NMNAT2: variants seen among roughly 807,000 people sequenced by gnomAD.
NMNAT2 encodes nicotinamide nucleotide adenylyltransferase 2, also known as nicotinamide/nicotinic acid mononucleotide adenylyltransferase 2.
NMNAT2 carries 11 observed loss-of-function variants against 41.6 expected under a neutral mutation model. The observed-to-expected ratio is 0.26, with a 90% confidence interval of 0.17 to 0.44. NMNAT2 has a LOEUF of 0.44. Ranked by LOEUF, NMNAT2 falls within the 20% of genes least tolerant of loss-of-function variation. The pLI is 1.00. For missense variants in NMNAT2, 288 were observed against 407.7 expected, an observed-to-expected ratio of 0.71 and a Z score of 2.53; for synonymous variants, 148 against 151.2, an observed-to-expected ratio of 0.98 and a Z score of 0.16.
rs188368304 is a variant in NMNAT2, at chr1:183,268,791, C to T, written c.652-7488G>A. Reference sequence around the variant, plus strand: ...GTGTGATGTCTCACACCTGTAATCCCAGCACTTTAAGAGGCCAAGGTGGGA... The same window carrying T: ...GTGTGATGTCTCACACCTGTAATCCTAGCACTTTAAGAGGCCAAGGTGGGA... On this transcript the variant is annotated intron_variant, in intron 8 of 10. Coordinates refer to ENST00000287713, the MANE Select transcript of NMNAT2 (RefSeq NM_015039.4). Among the ~76,000 whole-genome samples, 126 of 152,318 alleles carry T rather than the reference C, an allele frequency of 8.3e-4. 1 individual carries two copies. Among genetic ancestry groups the T allele is most frequent in the African/African-American group, 2.8e-3 (118 of 41,566 alleles).
chr1:183,270,487 G>A (rs1660956064), intron 8 of NMNAT2, among the ~76,000 whole-genome samples: 1 of 151,690 alleles, frequency 6.6e-6, no homozygotes, highest in Admixed American at 6.6e-5. Context: ...AGTAAGGTCA[G>A]AGTCCAGCAG....
intron 4 of NMNAT2, among the ~76,000 whole-genome samples, chr1:183,288,470 G>T (rs568576341): frequency 6.6e-6 from 1 of 152,206 alleles, no homozygotes; most frequent in Non-Finnish European, 1.5e-5. Flanking sequence ...TCTGCCCATC[G>T]CTGCAACAGC....
chr1:183,332,810 A>T (rs1441072485), intron 1 of NMNAT2, among the ~76,000 whole-genome samples: 1 of 152,198 alleles, frequency 6.6e-6, no homozygotes, highest in Non-Finnish European at 1.5e-5. Context: ...TACCAGGGGA[A>T]ATTCTCAGCC....
chr1:183,319,234 C>T (rs1662312661), intron 1 of NMNAT2, among the ~76,000 whole-genome samples: 1 of 152,194 alleles, frequency 6.6e-6, no homozygotes, highest in Non-Finnish European at 1.5e-5. Context: ...CAACATCGAG[C>T]ACCTACTGTG....
At chr1:183,341,748 C>CAAAAAAAAACAAAAAAAAA (rs369432128) in intron 1 of NMNAT2, among the ~76,000 whole-genome samples, 13 of 79,842 alleles carry the variant, frequency 1.6e-4, no homozygotes, top group African/African-American at 5.7e-4. Flanking sequence ...AAAAAAAAAA[C>CAAAAAAAAACAAAAAAAAA]CTGTTTCCTT....
At chr1:183,261,920 GA>G (rs778334155) in intron 8 of NMNAT2, among the ~76,000 whole-genome samples, 13 of 15,644 alleles carry the variant, frequency 8.3e-4, no homozygotes, top group East Asian at 5.1e-3. Flanking sequence ...TGTGAGAAAT[GA>G]AATTTTTTTT....
intron 8 of NMNAT2, among the ~76,000 whole-genome samples, chr1:183,264,698 G>A (rs931744769): frequency 1.3e-5 from 2 of 151,800 alleles, no homozygotes; most frequent in African/African-American, 4.8e-5. Context: ...GTGTGTGTGG[G>A]TTCGGGAAGG....
chr1:183,376,317 T>G (rs2811562), intron 1 of NMNAT2, among the ~76,000 whole-genome samples: 108,815 of 151,970 alleles, frequency 0.72, 39,091 homozygotes, highest in East Asian at 0.91. Flanking sequence ...TTTCCAGGAG[T>G]TTACAACAAA....
At chr1:183,409,088 C>G (rs1037662023) in intron 1 of NMNAT2, among the ~76,000 whole-genome samples, 1 of 151,964 alleles carries the variant, frequency 6.6e-6, no homozygotes, top group Non-Finnish European at 1.5e-5. Flanking sequence ...GGCACGGTGG[C>G]TCACACTTGT....
chr1:183,296,535 T>TTTTAC (rs1557870232), intron 1 of NMNAT2, among the ~76,000 whole-genome samples: 2 of 150,882 alleles, frequency 1.3e-5, no homozygotes, highest in Non-Finnish European at 1.5e-5. Context: ...TTTTTTTTGA[T>TTTTAC]GGAGTCTAGC....
intron 1 of NMNAT2, among the ~76,000 whole-genome samples, chr1:183,295,640 C>A (rs977181990): frequency 3.9e-5 from 6 of 152,110 alleles, no homozygotes; most frequent in African/African-American, 1.4e-4. Context: ...ATTTTCATCC[C>A]CTAAAAATTC....
intron 1 of NMNAT2, among the ~76,000 whole-genome samples, chr1:183,384,093 A>T (rs929796024): frequency 6.6e-6 from 1 of 152,216 alleles, no homozygotes; most frequent in Non-Finnish European, 1.5e-5. Flanking sequence ...TATAGGAAGC[A>T]TGACCAAAGA....
chr1:183,330,679 A>C (rs1446755915), intron 1 of NMNAT2, among the ~76,000 whole-genome samples: 1 of 152,234 alleles, frequency 6.6e-6, no homozygotes, highest in African/African-American at 2.4e-5. Context: ...AATGTTAAGC[A>C]CAGTGCTGGG....
At chr1:183,285,077 G>T (rs993995291) in intron 5 of NMNAT2, among the ~76,000 whole-genome samples, 1 of 152,164 alleles carries the variant, frequency 6.6e-6, no homozygotes, top group South Asian at 2.1e-4. Flanking sequence ...ATATAGAAGA[G>T]GGAAAATATA....
At chr1:183,341,431 G>A (rs376725901) in intron 1 of NMNAT2, among the ~76,000 whole-genome samples, 4 of 150,520 alleles carry the variant, frequency 2.7e-5, no homozygotes, top group Non-Finnish European at 5.9e-5. Flanking sequence ...TAATCCCAGT[G>A]CTATGGGAGG....
intron 1 of NMNAT2, among the ~76,000 whole-genome samples, chr1:183,295,287 CCA>C (rs1402013302): frequency 6.6e-6 from 1 of 152,100 alleles, no homozygotes; most frequent in Non-Finnish European, 1.5e-5. Flanking sequence ...CAGGCATGAG[CCA>C]CGGCACTTGG....
At chr1:183,260,477 CT>C (rs35381910) in intron 10 of NMNAT2, among the ~76,000 whole-genome samples, 146,982 of 152,170 alleles carry the variant, frequency 0.97, 71,212 homozygotes, top group East Asian at 1. Flanking sequence ...CTGTTCTCCC[CT>C]TTAAAGCATC....
intron 1 of NMNAT2, among the ~76,000 whole-genome samples, chr1:183,373,829 G>C (rs1663609878): frequency 6.6e-6 from 1 of 152,062 alleles, no homozygotes; most frequent in Non-Finnish European, 1.5e-5. Context: ...TGTTGGCCAA[G>C]CTGGTCTCAA....
chr1:183,370,592 AG>A (rs1663514154), intron 1 of NMNAT2, among the ~76,000 whole-genome samples: 1 of 152,224 alleles, frequency 6.6e-6, no homozygotes, highest in Non-Finnish European at 1.5e-5. Context: ...CAGCCAGCCT[AG>A]GAGTGCTCTC....
Sources: gnomAD v4.1 joint callset for allele counts (sites outside exome capture counted in the v4.1 genomes callset) on GRCh38, gnomAD v4.1.1 for gene constraint, MANE v1.5 for transcripts, NCBI Gene and HGNC (gene_info 2026-07-23, HGNC 2026-07-21) for gene names.